Variants in PCDH15 observed in about 807,000 individuals in gnomAD.
PCDH15 encodes protocadherin-15.
Under a neutral mutation model 178.5 loss-of-function variants are expected in PCDH15, and 129 were observed. The ratio of observed to expected loss-of-function variants is 0.72; its 90% CI spans 0.63 to 0.84. PCDH15 has a LOEUF of 0.84. Ranked by LOEUF, PCDH15 falls within the 40% of genes least tolerant of loss-of-function variation. PCDH15 has a pLI of 0.00. For missense variants in PCDH15, 2,230 were observed against 2,099.9 expected (o/e 1.06, Z -1.21); for synonymous variants, 800 against 732.0 (o/e 1.09, Z -1.50).
At chr10:54,578,585 G>C (rs933520625) in intron 2 of PCDH15, among the ~76,000 whole-genome samples, 2 of 151,996 alleles carry the variant, frequency 1.3e-5, no homozygotes, top group Non-Finnish European at 2.9e-5. Context: ...TCAGTTAGCT[G>C]GTGTCAGTTT....
Position 54,224,812 on chromosome 10 carries a change from T to C in PCDH15, c.986-10764A>G, listed in dbSNP as rs1270022489. On this transcript the variant is annotated intron_variant, in intron 9 of 37. Transcript: ENST00000644397. ...TAATATGTTCTCTTAGTGCATTCTTTGATAATTCTAAATGCAAAAAGTAAA... is the reference window on the plus strand; with the variant it reads ...TAATATGTTCTCTTAGTGCATTCTTCGATAATTCTAAATGCAAAAAGTAAA... Among the ~76,000 whole-genome samples the C allele has an allele frequency of 5.3e-5, 8 of 152,224 alleles. No individual in the cohort carries two copies. The East Asian group carries it at 1.5e-3, about 29-fold the overall frequency.
intron 2 of PCDH15, among the ~76,000 whole-genome samples, chr10:55,608,517 G>A (rs559998781): frequency 2.0e-5 from 3 of 151,696 alleles, no homozygotes; most frequent in African/African-American, 7.2e-5. Context: ...CTTTTCATAT[G>A]AATTTACTTC....
At chr10:54,634,321 CAT>C (rs2093788059) in intron 2 of PCDH15, among the ~76,000 whole-genome samples, 3 of 152,066 alleles carry the variant, frequency 2.0e-5, no homozygotes, top group South Asian at 2.1e-4. Flanking sequence ...AAATATTTTG[CAT>C]ATGTCATTAT....
intron 2 of PCDH15, among the ~76,000 whole-genome samples, chr10:55,330,948 A>G (rs1420397621): frequency 1.3e-5 from 2 of 151,598 alleles, no homozygotes; most frequent in East Asian, 3.9e-4. Context: ...TGCTTTGCAG[A>G]CTCAGGAAAT....
In PCDH15 at chr10:54,429,059, ACTCTT is replaced by A. The variant is rs1956644832; in HGVS notation, c.158-50122_158-50118del. Among the ~76,000 whole-genome samples the A allele has an allele frequency of 4.8e-5, 7 of 147,304 alleles. 1 individual carries two copies. In the South Asian group the frequency reaches 1.6e-3, roughly 33 times the overall value. ...GCACTGTAATGGTGATTTATAAATT[ACTCTT>A]GACTTAAGTAGAAAGAATAAATGAT... On this transcript the variant is annotated intron_variant, in intron 3 of 37. Coordinates refer to ENST00000644397, the MANE Select transcript of PCDH15 (RefSeq NM_001384140.1).
At chr10:53,994,299 A>G (rs1290524909) in intron 21 of PCDH15, among the ~76,000 whole-genome samples, 1 of 152,192 alleles carries the variant, frequency 6.6e-6, no homozygotes, top group Non-Finnish European at 1.5e-5. Context: ...TAACGCCATT[A>G]AACTCTATAT....
intron 1 of PCDH15, among the ~76,000 whole-genome samples, chr10:54,740,924 T>G (rs546082644): frequency 2.0e-5 from 3 of 151,956 alleles, no homozygotes; most frequent in East Asian, 3.9e-4. Flanking sequence ...AAAATATATA[T>G]AGATAGAAGG....
chr10:54,140,552 C>T (rs1272432512), intron 14 of PCDH15, among the ~76,000 whole-genome samples: 2 of 151,634 alleles, frequency 1.3e-5, no homozygotes, highest in African/African-American at 4.8e-5. Context: ...CACTGCAACC[C>T]CTGCCTCCCG....
intron 3 of PCDH15, among the ~76,000 whole-genome samples, chr10:54,403,806 G>A (rs1952250527): frequency 6.6e-6 from 1 of 151,260 alleles, no homozygotes; most frequent in African/African-American, 2.4e-5. Context: ...AACATTCAAG[G>A]ATCCAAATCA....
intron 1 of PCDH15, among the ~76,000 whole-genome samples, chr10:55,182,301 T>C (rs1467439488): frequency 6.6e-6 from 1 of 151,912 alleles, no homozygotes; most frequent in African/African-American, 2.4e-5. Context: ...AAGTATAAAA[T>C]TACTCTTCTA....
intron 5 of PCDH15, among the ~76,000 whole-genome samples, chr10:54,357,470 C>T (rs965405888): frequency 8.5e-5 from 13 of 152,082 alleles, no homozygotes; most frequent in African/African-American, 2.9e-4. Context: ...TGTGAAGGAC[C>T]TCTTCAAGGA....
At chr10:55,581,165 T>C (rs1289812678) in intron 2 of PCDH15, among the ~76,000 whole-genome samples, 1 of 152,164 alleles carries the variant, frequency 6.6e-6, no homozygotes, top group Admixed American at 6.5e-5. Flanking sequence ...GCAGTGCTTT[T>C]AGGAAAGTAA....
At chr10:55,152,877 C>T (rs984213530) in intron 2 of PCDH15, among the ~76,000 whole-genome samples, 4 of 151,722 alleles carry the variant, frequency 2.6e-5, no homozygotes, top group Admixed American at 2.6e-4. Context: ...TGTATGGACA[C>T]ATACACACAC....
chr10:55,376,512 C>T (rs1054017126), intron 2 of PCDH15, among the ~76,000 whole-genome samples: 9 of 152,082 alleles, frequency 5.9e-5, no homozygotes, highest in African/African-American at 2.2e-4. Context: ...TGGCTTTTGA[C>T]TTACAGTATC....
chr10:54,403,613 A>T (rs1013818465), intron 3 of PCDH15, among the ~76,000 whole-genome samples: 5 of 152,066 alleles, frequency 3.3e-5, no homozygotes, highest in African/African-American at 1.2e-4. Flanking sequence ...CAAGGGAAAG[A>T]AAAAGGGGCA....
At chr10:55,119,694 T>A (rs1423267296) in intron 2 of PCDH15, among the ~76,000 whole-genome samples, 1 of 152,230 alleles carries the variant, frequency 6.6e-6, no homozygotes, top group Non-Finnish European at 1.5e-5. Flanking sequence ...CAAAGAACGA[T>A]GTATTGCCCA....
At chr10:55,088,463 G>A (rs1453836446) in intron 2 of PCDH15, among the ~76,000 whole-genome samples, 3 of 151,878 alleles carry the variant, frequency 2.0e-5, no homozygotes, top group African/African-American at 7.3e-5. Flanking sequence ...TAGTAAAGAT[G>A]TGGTCTTACC....
chr10:55,570,899 A>T (rs1376302074), intron 2 of PCDH15, among the ~76,000 whole-genome samples: 1 of 152,080 alleles, frequency 6.6e-6, no homozygotes, highest in Non-Finnish European at 1.5e-5. Flanking sequence ...AAAGGCAATA[A>T]TCATTACTTT....
chr10:54,259,649 C>T (rs1439122610), intron 8 of PCDH15, among the ~76,000 whole-genome samples: 1 of 152,074 alleles, frequency 6.6e-6, no homozygotes, highest in Non-Finnish European at 1.5e-5. Context: ...ATTTAATAAG[C>T]CAAAGCAGCA....
Sources: gnomAD v4.1 joint callset for allele counts (sites outside exome capture counted in the v4.1 genomes callset) on GRCh38, gnomAD v4.1.1 for gene constraint, MANE v1.5 for transcripts, NCBI Gene and HGNC (gene_info 2026-07-23, HGNC 2026-07-21) for gene names.